ZNF143: variants seen among roughly 807,000 people sequenced by gnomAD.
ZNF143 encodes the protein SPH-binding factor.
ZNF143 carries 49 observed loss-of-function variants against 74.1 expected under a neutral mutation model. That is an observed-to-expected ratio of 0.66 (90% confidence interval 0.53 to 0.84). The LOEUF is 0.84. Among genes scored for constraint, ZNF143 ranks in the 40% least tolerant of loss-of-function variants. The pLI, the probability that ZNF143 is intolerant of heterozygous loss-of-function variation, is 0.00. For synonymous variants in ZNF143, 304 were observed against 282.8 expected (o/e 1.07, Z -0.75); for missense variants, 637 against 793.4 (o/e 0.80, Z 2.37).
At chr11:9,484,944 C>T (rs1027708275) in intron 7 of ZNF143, among the ~76,000 whole-genome samples, 1 of 150,052 alleles carries the variant, frequency 6.7e-6, no homozygotes, top group South Asian at 2.1e-4. Flanking sequence ...ACTACAGGCG[C>T]CCGCCACCAC....
intron 7 of ZNF143, among the ~76,000 whole-genome samples, chr11:9,486,693 G>C (rs564298392): frequency 7.4e-5 from 11 of 149,186 alleles, no homozygotes; most frequent in Non-Finnish European, 1.6e-4. Flanking sequence ...CCCTGAGACA[G>C]AGTCTCACTC....
intron 13 of ZNF143, 95 bp from the exon 14 acceptor site, chr11:9,516,106 G>A (rs1848712939): frequency 8.4e-7 from 1 of 1,188,722 alleles, no homozygotes; most frequent in East Asian, 2.4e-5. Context: ...ACATCCACAG[G>A]GCAAACTTAT....
intron 10 of ZNF143, among the ~76,000 whole-genome samples, chr11:9,498,415 G>A (rs1036593304): frequency 2.6e-5 from 4 of 152,122 alleles, no homozygotes; most frequent in Non-Finnish European, 5.9e-5. Context: ...ATTAGTAGCC[G>A]AGCTGAGACA....
intron 7 of ZNF143, among the ~76,000 whole-genome samples, chr11:9,488,584 C>T (rs1267412164): frequency 6.6e-6 from 1 of 152,166 alleles, no homozygotes; most frequent in Non-Finnish European, 1.5e-5. Flanking sequence ...TAACCTACAT[C>T]TCCCTACTTT....
At chr11:9,509,265 T>C (rs936320276) in intron 12 of ZNF143, among the ~76,000 whole-genome samples, 21 of 152,050 alleles carry the variant, frequency 1.4e-4, no homozygotes, top group African/African-American at 5.1e-4. Flanking sequence ...CCTGGGAAGG[T>C]GATATGAAAC....
At chr11:9,478,642 G>C in intron 6 of ZNF143, 56 bp downstream of exon 6, 2 of 1,541,974 alleles carry the variant, frequency 1.3e-6, no homozygotes, top group Non-Finnish European at 1.8e-6. Flanking sequence ...TATTTTTCAT[G>C]AAAAGAAAAG....
chr11:9,505,914 CT>C (rs1348807623), intron 11 of ZNF143, among the ~76,000 whole-genome samples: 11 of 149,740 alleles, frequency 7.3e-5, no homozygotes, highest in Admixed American at 6.0e-4. Context: ...GACAATTCAT[CT>C]TTTAAGTGCT....
At chr11:9,472,820 G>A in intron 3 of ZNF143, 51 bp downstream of exon 3, 5 of 1,378,028 alleles carry the variant, frequency 3.6e-6, no homozygotes, top group Non-Finnish European at 4.9e-6. Context: ...TTTATAACCT[G>A]TGAGTTGGAG....
intron 7 of ZNF143, among the ~76,000 whole-genome samples, chr11:9,481,449 G>A (rs1481088857): frequency 1.3e-5 from 2 of 152,080 alleles, no homozygotes; most frequent in South Asian, 2.1e-4. Flanking sequence ...ATCCACCTAA[G>A]TCAACCTCTA....
intron 7 of ZNF143, among the ~76,000 whole-genome samples, chr11:9,488,696 A>G (rs1589894454): frequency 6.6e-6 from 1 of 152,228 alleles, no homozygotes; most frequent in East Asian, 1.9e-4. Flanking sequence ...AGCTAGACTG[A>G]GAGCCCTACA....
intron 7 of ZNF143, among the ~76,000 whole-genome samples, chr11:9,487,654 G>T (rs1847612338): frequency 6.6e-6 from 1 of 152,188 alleles, no homozygotes; most frequent in Non-Finnish European, 1.5e-5. Flanking sequence ...ACCACGCCCG[G>T]CCAAGGTTAT....
chr11:9,461,072 C>CG lies in ZNF143; in HGVS notation c.-10dup. 1.0e-6 allele frequency: 1 copy of CG among 985,864 alleles called. No individual in the cohort carries two copies. 61.1% of individuals were successfully genotyped at this position (985,864 alleles called of 1,614,324 possible). ...CGAAGGAATTGTTGGAAAATTTTCT[C>CG]GGAGGTTCGTATATAAATGTGTTTT... On this transcript the variant is annotated 5_prime_UTR_variant, in exon 1 of 16. Transcript: ENST00000396602.
chr11:9,505,594 A>G (rs115710220), intron 11 of ZNF143, among the ~76,000 whole-genome samples: 2,856 of 151,846 alleles, frequency 0.019, 82 homozygotes, highest in African/African-American at 0.064. Context: ...CTGTTAAATA[A>G]TTATGGCCAG....
At chr11:9,511,419 C>G (rs1021001942) in intron 12 of ZNF143, among the ~76,000 whole-genome samples, 1 of 151,926 alleles carries the variant, frequency 6.6e-6, no homozygotes, top group African/African-American at 2.4e-5. Flanking sequence ...GCCTCAGCCC[C>G]CTGAGTAGCT....
rs112351797 is a variant in ZNF143, at chr11:9,504,678, T to C, written c.1147+3408T>C. On this transcript the variant is annotated intron_variant, in intron 11 of 15. Transcript: ENST00000396602. ...AAGACATTTTTTTCTTTTTTCTTTT[T>C]TTTTTTTTTTTTTTGAGACAGCGTC... 2.1e-4 allele frequency among the ~76,000 whole-genome samples: 23 copies of C among 111,816 alleles called. 6 individuals are homozygous for C. The highest frequency in any genetic ancestry group is 1.2e-3 in the East Asian group (5 of 4,148). The allele number at this position is 111,816 out of a possible 152,430, so 73.4% of individuals were successfully genotyped here.
intron 5 of ZNF143, among the ~76,000 whole-genome samples, chr11:9,475,609 G>A (rs1856828720): frequency 6.6e-6 from 1 of 152,056 alleles, no homozygotes; most frequent in Non-Finnish European, 1.5e-5. Flanking sequence ...GCAATTTTTT[G>A]CCTGGGCATG....
intron 8 of ZNF143, among the ~76,000 whole-genome samples, chr11:9,495,039 A>G (rs574758236): frequency 3.6e-4 from 55 of 152,320 alleles, no homozygotes; most frequent in African/African-American, 1.2e-3. Flanking sequence ...ATTTGAATAT[A>G]TGTTGTCAAG....
chr11:9,487,551 G>T (rs538118830), intron 7 of ZNF143, among the ~76,000 whole-genome samples: 3 of 151,660 alleles, frequency 2.0e-5, no homozygotes, highest in Non-Finnish European at 4.4e-5. Flanking sequence ...TAGAGATGGG[G>T]TTTCACCGTG....
chr11:9,526,859 C>G (rs1052424522), intron 15 of ZNF143, among the ~76,000 whole-genome samples: 37 of 152,190 alleles, frequency 2.4e-4, no homozygotes, highest in African/African-American at 8.7e-4. Context: ...GAGTCTCGCT[C>G]TGTCACCCAG....
Sources: gnomAD v4.1 joint callset for allele counts (sites outside exome capture counted in the v4.1 genomes callset) on GRCh38, gnomAD v4.1.1 for gene constraint, MANE v1.5 for transcripts, NCBI Gene and HGNC (gene_info 2026-07-23, HGNC 2026-07-21) for gene names.